Variants in NOD1 observed in about 807,000 individuals in gnomAD.
NOD1 encodes nucleotide-binding oligomerization domain-containing protein 1.
In NOD1, 70 loss-of-function variants were observed where a neutral mutation model predicts 81.2. The observed-to-expected ratio is 0.86, with a 90% confidence interval of 0.71 to 1.05. The LOEUF is 1.05. Among genes scored for constraint, NOD1 ranks in the 50% least tolerant of loss-of-function variants. NOD1 has a pLI of 0.00. For synonymous variants in NOD1, 508 were observed against 526.9 expected, an observed-to-expected ratio of 0.96 and a Z score of 0.49; for missense variants, 1,233 against 1,228.0, an observed-to-expected ratio of 1.00 and a Z score of -0.06.
chr7:30,425,308 G>A lies in NOD1; in HGVS notation c.*330C>T. ...TATGGCAGGTGTTGGAATGAGGTGA[G>A]GCTGGCCTCCTCTGTTTGCTCACAG... On this transcript the variant is annotated 3_prime_UTR_variant, in exon 14 of 14. Coordinates refer to ENST00000222823, the MANE Select transcript of NOD1 (RefSeq NM_006092.4). 3.4e-6 allele frequency: 1 copy of A among 296,056 alleles called. No individual in the cohort carries two copies. Among genetic ancestry groups the A allele is most frequent in the Non-Finnish European group, 6.4e-6 (1 of 156,392 alleles). 18.3% of individuals were successfully genotyped at this position (296,056 alleles called of 1,614,324 possible).
At chr7:30,473,009 T>C (rs986882217) in intron 1 of NOD1, among the ~76,000 whole-genome samples, 3 of 152,210 alleles carry the variant, frequency 2.0e-5, no homozygotes, top group Non-Finnish European at 4.4e-5. Context: ...TGTTGCAGAA[T>C]TGAAGCCCCA....
chr7:30,475,344 C>T (rs569282050), intron 1 of NOD1, among the ~76,000 whole-genome samples: 1 of 152,172 alleles, frequency 6.6e-6, no homozygotes, highest in Non-Finnish European at 1.5e-5. Flanking sequence ...GGTGAATGTT[C>T]ATGTTTTATT....
At chr7:30,433,027 G>T in intron 12 of NOD1, 69 bp downstream of exon 12, 1 of 1,201,124 alleles carries the variant, frequency 8.3e-7, no homozygotes, top group Non-Finnish European at 1.2e-6. Context: ...TTTACAGTAT[G>T]TAAATTTTAT....
chr7:30,448,483 C>T lies in NOD1; in HGVS notation c.2202-102G>A. The T allele has an allele frequency of 3.0e-6, 3 of 1,007,932 alleles. No individual in the cohort carries two copies. The Admixed American group carries it at 5.3e-5, about 18-fold the overall frequency. 62.4% of individuals were successfully genotyped at this position (1,007,932 alleles called of 1,614,324 possible). On this transcript the variant is annotated intron_variant, in intron 6 of 13. Coordinates refer to ENST00000222823, the MANE Select transcript of NOD1 (RefSeq NM_006092.4). Reference sequence around the variant, plus strand: ...AGAAGCCTTCAGGCCCTGGAGTTTTCTCAGGTATAGACGCCCCTGGAGAAT... The same window carrying T: ...AGAAGCCTTCAGGCCCTGGAGTTTTTTCAGGTATAGACGCCCCTGGAGAAT...
Position 30,436,066 on chromosome 7 carries a change from G to A in NOD1, c.2553C>T (p.Gly851=). 6.2e-7 allele frequency: 1 copy of A among 1,613,916 alleles called. No individual in the cohort carries two copies. Among genetic ancestry groups the A allele is most frequent in the Non-Finnish European group, 8.5e-7 (1 of 1,179,728 alleles). ...SLTTLSLASN[G]ISTEGGKSLA... ...GGCTCTTTCCTCCTTCTGTGGAGAT[G>A]CCGTTGGACGCAAGACTAGGAAGGA... The change falls in exon 11 of 14, where the codon GGC becomes GGT. Residue 851 remains glycine, a synonymous_variant. Coordinates refer to ENST00000222823, the MANE Select transcript of NOD1 (RefSeq NM_006092.4).
intron 13 of NOD1, among the ~76,000 whole-genome samples, chr7:30,427,461 C>T (rs180886582): frequency 1.7e-3 from 254 of 152,350 alleles, no homozygotes; most frequent in Admixed American, 5.7e-3. Context: ...AACCACAACC[C>T]TGTGGCCTGG....
chr7:30,462,892 C>T (rs562076801), intron 1 of NOD1, among the ~76,000 whole-genome samples: 113 of 148,560 alleles, frequency 7.6e-4, no homozygotes, highest in African/African-American at 2.6e-3. Context: ...GAGGTTGCAG[C>T]GAGCCAAGAT....
intron 1 of NOD1, among the ~76,000 whole-genome samples, chr7:30,473,025 C>T (rs1407814210): frequency 6.6e-6 from 1 of 152,182 alleles, no homozygotes; most frequent in East Asian, 1.9e-4. Context: ...CCCCAAAGTG[C>T]CAGAAGGAAC....
chr7:30,433,172 G>A lies in NOD1; in HGVS notation c.2629C>T (p.Gln877Ter). Residue 877 changes from glutamine (Q) to a stop codon, truncating the protein, a stop_gained, in exon 12 of 14, where the codon CAA (glutamine) becomes TAA (stop). Transcript: ENST00000222823. LOFTEE classifies it high-confidence loss of function. Reference sequence around the variant, plus strand: ...GCCACTTCATCGTTGAGTTCATTTTGGGTCAGCCTAAGGAAAAAAAAGGAA... The same window carrying A: ...GCCACTTCATCGTTGAGTTCATTTTAGGTCAGCCTAAGGAAAAAAAAGGAA... ...NTSLEILWLT[Q>*]NELNDEVAES... The A allele has an allele frequency of 1.2e-6, 2 of 1,613,472 alleles. No homozygotes were observed. Among genetic ancestry groups the A allele is most frequent in the Non-Finnish European group, 1.7e-6 (2 of 1,179,560 alleles).
At chr7:30,432,105 C>CA (rs996146732) in intron 12 of NOD1, among the ~76,000 whole-genome samples, 10 of 151,108 alleles carry the variant, frequency 6.6e-5, no homozygotes, top group East Asian at 1.9e-4. Context: ...GACTCCATCT[C>CA]AAAAAAAACA....
At chr7:30,430,224 G>A (rs1330574024) in intron 12 of NOD1, among the ~76,000 whole-genome samples, 1 of 152,104 alleles carries the variant, frequency 6.6e-6, no homozygotes, top group African/African-American at 2.4e-5. Context: ...AGTTCTCATG[G>A]GGCTCAGTGG....
chr7:30,455,322 C>A lies in NOD1; in HGVS notation c.202-11G>T. ...CAGAATTTTGCGGACCTGGAGGTGA[C>A]ACAAGCATGAGGGCACGGGCTGGCA... On this transcript the variant is annotated splice_polypyrimidine_tract_variant and intron_variant, in intron 4 of 13. Coordinates refer to ENST00000222823, the MANE Select transcript of NOD1 (RefSeq NM_006092.4). 2 of 1,607,708 alleles carry A rather than the reference C, an allele frequency of 1.2e-6. No homozygotes were observed. The highest frequency in any genetic ancestry group is 1.7e-6 in the Non-Finnish European group (2 of 1,175,110).
intron 5 of NOD1, 21 bp from the exon 6 acceptor site, chr7:30,453,061 G>T: frequency 6.3e-7 from 1 of 1,586,848 alleles, no homozygotes; most frequent in South Asian, 1.2e-5. Context: ...GGGGTGGCAG[G>T]GCACAGCAGC....
chr7:30,458,919 T>C (rs1400045427), intron 3 of NOD1, among the ~76,000 whole-genome samples: 1 of 152,026 alleles, frequency 6.6e-6, no homozygotes, highest in African/African-American at 2.4e-5. Context: ...GTATTTTTAG[T>C]AGAGACAGGG....
Position 30,451,306 on chromosome 7 carries a change from T to C in NOD1, c.2111A>G (p.Lys704Arg). 6.2e-7 allele frequency: 1 copy of C among 1,614,124 alleles called. No homozygotes were observed. Among genetic ancestry groups the C allele is most frequent in the Middle Eastern group, 1.6e-4 (1 of 6,062 alleles). Residue 704 changes from lysine (K) to arginine (R), a missense_variant, in exon 6 of 14, where the codon AAG (lysine) becomes AGG (arginine). Transcript: ENST00000222823. The surrounding 1 kb of genome is among the most constrained non-coding windows in gnomAD (Gnocchi z 4.2). ...GTTGTCTAGGTCTAGGGCCAGCCGC[T>C]TGGGGAAGTGATGCAGGACGAAGGA... ...ALSFVLHHFP[K>R]RLALDLDNNN...
intron 6 of NOD1, among the ~76,000 whole-genome samples, chr7:30,449,830 G>A (rs912574177): frequency 1.4e-4 from 22 of 152,196 alleles, no homozygotes; most frequent in African/African-American, 5.1e-4. Context: ...CTGGTGTGAA[G>A]GAAAGCTTCA....
Position 30,456,982 on chromosome 7 carries a change from G to T in NOD1, c.-61C>A. ...ATCTTCAGCTGCGTGTGTCCTCTCAGCAGAAGGGCAATCAGGATTCAGGCC... is the reference window on the plus strand; with the variant it reads ...ATCTTCAGCTGCGTGTGTCCTCTCATCAGAAGGGCAATCAGGATTCAGGCC... On this transcript the variant is annotated 5_prime_UTR_variant, in exon 4 of 14. In the 5' UTR this introduces an upstream ATG that the reference lacks. Coordinates refer to ENST00000222823, the MANE Select transcript of NOD1 (RefSeq NM_006092.4). 1 of 1,434,528 alleles carries T rather than the reference G, an allele frequency of 7.0e-7. No individual in the cohort carries two copies. The highest frequency in any genetic ancestry group is 9.8e-7 in the Non-Finnish European group (1 of 1,018,692). The allele number at this position is 1,434,528 out of a possible 1,614,324, so 88.9% of individuals were successfully genotyped here. A position where few individuals can be genotyped will look rare whatever the true frequency, so the allele number is the denominator to read the frequency against.
chr7:30,446,320 C>G (rs1785080119), intron 8 of NOD1, 96 bp from the exon 9 acceptor site: 1 of 910,670 alleles, frequency 1.1e-6, no homozygotes, highest in South Asian at 1.3e-5. Flanking sequence ...CCAGCCCCAT[C>G]TTGGGAACCG....
chr7:30,478,347 CTGCTGGCACGA>C lies in NOD1; in HGVS notation c.-352+248_-352+258del. 6.6e-6 allele frequency among the ~76,000 whole-genome samples: 1 copy of C among 152,304 alleles called. No homozygotes were observed. The highest frequency in any genetic ancestry group is 1.9e-4 in the East Asian group (1 of 5,184). On this transcript the variant is annotated intron_variant, in intron 1 of 13. Transcript: ENST00000222823. The surrounding 1 kb of genome is among the most constrained non-coding windows in gnomAD (Gnocchi z 4.1). ...TAAAAGCTCCCCAGGTGGTTCTAAG[CTGCTGGCACGA>C]TTGAGAACCCCTGCGTTCGACCACA...
Sources: gnomAD v4.1 joint callset for allele counts (sites outside exome capture counted in the v4.1 genomes callset) on GRCh38, gnomAD v4.1.1 for gene constraint, Gnocchi (gnomAD v3.1) non-coding constraint, MANE v1.5 for transcripts, NCBI Gene and HGNC (gene_info 2026-07-23, HGNC 2026-07-21) for gene names.